CGNL1: variants seen among roughly 807,000 people sequenced by gnomAD.
CGNL1 encodes the protein cingulin-like protein 1.
Under a neutral mutation model 141.2 loss-of-function variants are expected in CGNL1, and 132 were observed. The observed-to-expected ratio is 0.93, with a 90% CI of 0.81 to 1.08. The LOEUF (loss-of-function observed/expected upper bound fraction) is 1.08, where lower values mean the gene tolerates loss of function less well. CGNL1 is among the 50% of genes least tolerant of loss of function. The probability of loss-of-function intolerance (pLI) is 0.00; values close to 1 mark genes in which losing one functional copy is unlikely to be tolerated. For missense variants in CGNL1, 1,870 were observed against 1,588.6 expected (o/e 1.18, Z -3.01); for synonymous variants, 690 against 622.1 (o/e 1.11, Z -1.63).
chr15:57,494,141 G>A (rs762104099), intron 8 of CGNL1, among the ~76,000 whole-genome samples: 18 of 152,334 alleles, frequency 1.2e-4, no homozygotes, highest in Admixed American at 6.5e-4. Context: ...TCCAAAGACC[G>A]TCATTTTTAT....
intron 1 of CGNL1, among the ~76,000 whole-genome samples, chr15:57,381,472 G>A (rs192750413): frequency 3.0e-3 from 461 of 152,262 alleles, no homozygotes; most frequent in African/African-American, 0.011. Flanking sequence ...GAGATGGGAG[G>A]ATGGCTTGAG....
In CGNL1 at chr15:57,531,757, G is replaced by C. The variant is rs1290539095; in HGVS notation, c.3269G>C (p.Arg1090Thr). Residue 1090 changes from arginine (R) to threonine (T), a missense_variant, in exon 14 of 19, where the codon AGG becomes ACG. Physicochemically the swap from Arg to Thr is moderately conservative, Grantham distance 71. Coordinates refer to ENST00000281282, the MANE Select transcript of CGNL1 (RefSeq NM_032866.5). Reference sequence around the variant, plus strand: ...AACAACTCAGATTTGCTGTCTGAGAGGATCAGTAGGAGCAGGGAACAGGTA... The same window carrying C: ...AACAACTCAGATTTGCTGTCTGAGACGATCAGTAGGAGCAGGGAACAGGTA... ...ERNNSDLLSERISRSREQMEQ... is the reference protein window; with the variant it reads ...ERNNSDLLSETISRSREQMEQ... The C allele has an allele frequency of 1.7e-5, 28 of 1,609,074 alleles. No homozygotes were observed. Among genetic ancestry groups the C allele is most frequent in the Non-Finnish European group, 2.0e-5 (24 of 1,175,554 alleles).
intron 1 of CGNL1, among the ~76,000 whole-genome samples, chr15:57,433,803 T>C (rs1479574244): frequency 1.3e-5 from 2 of 152,146 alleles, no homozygotes; most frequent in African/African-American, 4.8e-5. Context: ...GCTCTGTCCA[T>C]GATGGCAGCA....
At chr15:57,521,526 T>C (rs2031253547) in intron 10 of CGNL1, among the ~76,000 whole-genome samples, 1 of 152,156 alleles carries the variant, frequency 6.6e-6, no homozygotes, top group Admixed American at 6.5e-5. Flanking sequence ...AGACAGAAAG[T>C]CTCTCCCTTG....
chr15:57,440,365 CT>C lies in CGNL1; in HGVS notation c.1603-10del. The C allele has an allele frequency of 6.3e-7, 1 of 1,586,204 alleles. No individual in the cohort carries two copies. Among genetic ancestry groups the C allele is most frequent in the South Asian group, 1.2e-5 (1 of 86,704 alleles). ...TCATCCTCATGGTCTAACAACAGGC[CT>C]TATGTTCCAGGCCACACCGGATCTC... On this transcript the variant is annotated splice_polypyrimidine_tract_variant and intron_variant, in intron 2 of 18. Transcript: ENST00000281282.
intron 1 of CGNL1, among the ~76,000 whole-genome samples, chr15:57,401,018 T>A (rs537458262): frequency 6.6e-6 from 1 of 151,346 alleles, no homozygotes; most frequent in Non-Finnish European, 1.5e-5. Flanking sequence ...GATTTGATAA[T>A]TTTTTTTTAG....
Position 57,543,798 on chromosome 15 carries a change from T to G in CGNL1, c.3375+19T>G. 1 of 1,590,184 alleles carries G rather than the reference T, an allele frequency of 6.3e-7. No homozygotes were observed. The highest frequency in any genetic ancestry group is 8.6e-7 in the Non-Finnish European group (1 of 1,158,542). ...GAGGCAGGTGAGGGCAGCCAGCCTG[T>G]GAGCTGCCCCCCCGTCCATCCGCTA... On this transcript the variant is annotated intron_variant, in intron 15 of 18. Transcript: ENST00000281282.
intron 1 of CGNL1, among the ~76,000 whole-genome samples, chr15:57,427,567 C>T (rs1485870948): frequency 6.6e-6 from 1 of 152,238 alleles, no homozygotes; most frequent in Admixed American, 6.5e-5. Context: ...TCCCTCACCC[C>T]TTTCCCTGAT....
intron 8 of CGNL1, among the ~76,000 whole-genome samples, chr15:57,504,598 C>G (rs1290035720): frequency 6.6e-6 from 1 of 152,212 alleles, no homozygotes; most frequent in Non-Finnish European, 1.5e-5. Flanking sequence ...TCATGCTTCA[C>G]ATCCAGTCAT....
intron 8 of CGNL1, among the ~76,000 whole-genome samples, chr15:57,494,400 C>G (rs1362125281): frequency 6.6e-6 from 1 of 152,164 alleles, no homozygotes; most frequent in Non-Finnish European, 1.5e-5. Context: ...GAAATCCAGG[C>G]TGTGAAAGAG....
At chr15:57,407,747 A>ATTTTT (rs35752757) in intron 1 of CGNL1, among the ~76,000 whole-genome samples, 2 of 136,224 alleles carry the variant, frequency 1.5e-5, no homozygotes, top group Admixed American at 7.4e-5. Flanking sequence ...ATTATTCTCA[A>ATTTTT]TTTTTTTTTT....
intron 8 of CGNL1, among the ~76,000 whole-genome samples, chr15:57,513,126 G>T (rs2030460745): frequency 6.6e-6 from 1 of 152,060 alleles, no homozygotes; most frequent in African/African-American, 2.4e-5. Context: ...ATCGCCATTA[G>T]CAGTCACTCC....
At chr15:57,469,068 A>C (rs1381416276) in intron 8 of CGNL1, among the ~76,000 whole-genome samples, 1 of 152,144 alleles carries the variant, frequency 6.6e-6, no homozygotes, top group Admixed American at 6.6e-5. Flanking sequence ...AAATGGACTA[A>C]TACAGAGACC....
At chr15:57,386,071 C>T (rs1335133879) in intron 1 of CGNL1, among the ~76,000 whole-genome samples, 1 of 152,242 alleles carries the variant, frequency 6.6e-6, no homozygotes, top group Non-Finnish European at 1.5e-5. Flanking sequence ...TCTGGGTTTC[C>T]CCACAGGTGC....
chr15:57,439,642 C>T (rs1488182895), intron 2 of CGNL1, 41 bp downstream of exon 2: 4 of 1,577,210 alleles, frequency 2.5e-6, no homozygotes, highest in Non-Finnish European at 3.5e-6. Context: ...TTTTCTCTTC[C>T]TTCTAAATAA....
rs73423566 is a variant in CGNL1 at position 57,544,428 on chromosome 15, C to T, written c.3376-45C>T. 5.7e-3 allele frequency: 9,224 copies of T among 1,611,864 alleles called. 476 individuals are homozygous for T. In the African/African-American group the frequency reaches 0.11, roughly 19 times the overall value. On this transcript the variant is annotated intron_variant, in intron 15 of 18. Transcript: ENST00000281282. ...ATATTCTTCGCTGCTCTGCACAGAG[C>T]GTGGCAGACACATAGCCCCTCACAG...
chr15:57,459,017 C>T (rs1319186996), intron 7 of CGNL1, among the ~76,000 whole-genome samples: 1 of 152,162 alleles, frequency 6.6e-6, no homozygotes, highest in Admixed American at 6.5e-5. Context: ...AAAGAGATCT[C>T]GTTGTCGGTT....
At chr15:57,376,657 C>G (rs1158331475) in intron 1 of CGNL1, 90 bp downstream of exon 1, 1 of 150,760 alleles carries the variant, frequency 6.6e-6, no homozygotes, top group East Asian at 2.0e-4. Context: ...GCGGGACCCC[C>G]AGGGGTTCGG....
At chr15:57,418,723 C>G (rs1279144303) in intron 1 of CGNL1, among the ~76,000 whole-genome samples, 1 of 152,138 alleles carries the variant, frequency 6.6e-6, no homozygotes, top group Non-Finnish European at 1.5e-5. Context: ...TGTTCACGGG[C>G]CCAGGGAGAT....
Sources: gnomAD v4.1 joint callset for allele counts (sites outside exome capture counted in the v4.1 genomes callset) on GRCh38, gnomAD v4.1.1 for gene constraint, MANE v1.5 for transcripts, NCBI Gene and HGNC (gene_info 2026-07-23, HGNC 2026-07-21) for gene names.